Variants in IL1R1 observed in about 807,000 individuals in gnomAD.
IL1R1 encodes the protein interleukin-1 receptor type 1.
Under a neutral mutation model 50.2 loss-of-function variants are expected in IL1R1, and 22 were observed. The ratio of observed to expected loss-of-function variants is 0.44; its 90% CI spans 0.31 to 0.63. IL1R1 has a LOEUF of 0.63. IL1R1 is among the 20% of genes least tolerant of loss of function. The pLI, the probability that IL1R1 is intolerant of heterozygous loss-of-function variation, is 0.07. For synonymous variants in IL1R1, 251 were observed against 236.7 expected (o/e 1.06, Z -0.55); for missense variants, 509 against 676.2 (o/e 0.75, Z 2.74).
chr2:102,124,809 G>C (rs895341379), intron 1 of IL1R1, among the ~76,000 whole-genome samples: 1 of 151,920 alleles, frequency 6.6e-6, no homozygotes. Flanking sequence ...CCAGCTACTC[G>C]GGAAGCTGAG....
intron 1 of IL1R1, among the ~76,000 whole-genome samples, chr2:102,115,082 C>A (rs757290048): frequency 6.6e-5 from 10 of 152,150 alleles, no homozygotes; most frequent in Admixed American, 1.3e-4. Context: ...CACCTGGGAG[C>A]CTTTTAAACA....
Position 102,176,783 on chromosome 2 carries a change from T to TTTAGGTGCCTC in IL1R1, c.*25_*35dup. The TTTAGGTGCCTC allele has an allele frequency of 6.2e-7, 1 of 1,607,450 alleles. No individual in the cohort carries two copies. The highest frequency in any genetic ancestry group is 8.5e-7 in the Non-Finnish European group (1 of 1,175,424). ...AGCATGGAGAAGTTGCCAAGAGTTC[T>TTTAGGTGCCTC]TTAGGTGCCTCCTGTCTTATGGCGT... On this transcript the variant is annotated 3_prime_UTR_variant, in exon 12 of 12. Coordinates refer to ENST00000410023, the MANE Select transcript of IL1R1 (RefSeq NM_000877.4).
At chr2:102,148,945 A>AAAACAAACAAACAAAC (rs35503646) in intron 1 of IL1R1, among the ~76,000 whole-genome samples, 1 of 150,592 alleles carries the variant, frequency 6.6e-6, no homozygotes, top group African/African-American at 2.5e-5. Context: ...ACTCTGTCTC[A>AAAACAAACAAACAAAC]AAACAAACAA....
At chr2:102,149,539 T>C (rs1683466471) in intron 1 of IL1R1, among the ~76,000 whole-genome samples, 1 of 152,184 alleles carries the variant, frequency 6.6e-6, no homozygotes, top group Admixed American at 6.5e-5. Flanking sequence ...CAAGAGGATG[T>C]GCCCACTTGG....
chr2:102,158,107 A>G (rs1197871647), intron 3 of IL1R1, among the ~76,000 whole-genome samples: 6 of 152,194 alleles, frequency 3.9e-5, no homozygotes, highest in Non-Finnish European at 7.3e-5. Flanking sequence ...TGAAAGTGTG[A>G]TATGGGAAAT....
intron 1 of IL1R1, among the ~76,000 whole-genome samples, chr2:102,112,088 A>T (rs1227557155): frequency 6.6e-6 from 1 of 151,520 alleles, no homozygotes; most frequent in African/African-American, 2.4e-5. Flanking sequence ...CATGATGATG[A>T]GGCTGCTTTG....
chr2:102,135,378 C>T (rs1257924977), intron 1 of IL1R1, among the ~76,000 whole-genome samples: 1 of 152,170 alleles, frequency 6.6e-6, no homozygotes, highest in South Asian at 2.1e-4. Flanking sequence ...AGACACTCCT[C>T]ACCCCTACAA....
intron 1 of IL1R1, among the ~76,000 whole-genome samples, chr2:102,110,930 C>T (rs1476728707): frequency 2.0e-5 from 3 of 152,060 alleles, no homozygotes; most frequent in Admixed American, 6.6e-5. Context: ...TCCGTGTTAG[C>T]CTGGTGATTG....
At chr2:102,105,614 TG>T (rs1377236795) in intron 1 of IL1R1, among the ~76,000 whole-genome samples, 2 of 152,226 alleles carry the variant, frequency 1.3e-5, no homozygotes, top group African/African-American at 4.8e-5. Context: ...TCCACCTGCC[TG>T]GGCCTCCCAA....
chr2:102,174,614 G>C lies in IL1R1; in HGVS notation c.1019G>C (p.Gly340Ala), dbSNP rs148175475. Residue 340 changes from glycine to alanine, a missense_variant, in exon 10 of 12, where the codon GGT (glycine) becomes GCT (alanine). Physicochemically the swap from Gly to Ala is moderately conservative, Grantham distance 60 (BLOSUM62 0). Coordinates refer to ENST00000410023, the MANE Select transcript of IL1R1 (RefSeq NM_000877.4). ...PVTNFQKHMI[G>A]ICVTLTVIIV... is the part of the protein sequence containing the mutation. ...ACTAATTTCCAGAAGCACATGATTG[G>C]TATATGTGTCACGTTGACAGTCATA... 6.2e-7 allele frequency: 1 copy of C among 1,605,142 alleles called. No homozygotes were observed. Among genetic ancestry groups the C allele is most frequent in the Non-Finnish European group, 8.5e-7 (1 of 1,176,520 alleles).
At chr2:102,095,685 T>TA (rs957852001) in intron 1 of IL1R1, among the ~76,000 whole-genome samples, 2 of 152,210 alleles carry the variant, frequency 1.3e-5, no homozygotes, top group East Asian at 1.9e-4. Flanking sequence ...TGTTTGCATA[T>TA]AAAAAATACA....
At chr2:102,094,008 A>G (rs1156929588) in intron 1 of IL1R1, among the ~76,000 whole-genome samples, 3 of 152,210 alleles carry the variant, frequency 2.0e-5, no homozygotes, top group African/African-American at 7.2e-5. Flanking sequence ...CCTGGGGAAA[A>G]CAAAACAAAA....
At chr2:102,172,273 G>A (rs949921011) in intron 8 of IL1R1, 2 of 985,158 alleles carry the variant, frequency 2.0e-6, no homozygotes, top group South Asian at 4.7e-5. Context: ...CACTGCTCTC[G>A]AAAGCCTCTA....
At chr2:102,115,234 C>G (rs1003091611) in intron 1 of IL1R1, among the ~76,000 whole-genome samples, 1 of 152,074 alleles carries the variant, frequency 6.6e-6, no homozygotes. Flanking sequence ...AGACAGTTGC[C>G]GAGTCAGTAA....
At chr2:102,145,793 A>G (rs1192320527) in intron 1 of IL1R1, among the ~76,000 whole-genome samples, 1 of 152,216 alleles carries the variant, frequency 6.6e-6, no homozygotes, top group African/African-American at 2.4e-5. Context: ...AAATGCCAGG[A>G]CTGGATGCAG....
intron 1 of IL1R1, among the ~76,000 whole-genome samples, chr2:102,112,433 A>G (rs938095580): frequency 6.6e-6 from 1 of 151,992 alleles, no homozygotes; most frequent in Non-Finnish European, 1.5e-5. Context: ...CCATGGACAC[A>G]GGAACATCTG....
chr2:102,117,751 C>T (rs1577885657), intron 1 of IL1R1, among the ~76,000 whole-genome samples: 1 of 152,162 alleles, frequency 6.6e-6, no homozygotes. Context: ...GTGAGGGAAG[C>T]CTGCTGAGCA....
intron 1 of IL1R1, among the ~76,000 whole-genome samples, chr2:102,089,432 T>G (rs1679564771): frequency 6.6e-6 from 1 of 152,176 alleles, no homozygotes; most frequent in Non-Finnish European, 1.5e-5. Context: ...GATAGTAACA[T>G]CAGATATTGC....
At chr2:102,087,034 A>T (rs1679460440) in intron 1 of IL1R1, among the ~76,000 whole-genome samples, 1 of 152,060 alleles carries the variant, frequency 6.6e-6, no homozygotes, top group Non-Finnish European at 1.5e-5. Flanking sequence ...AGCAAGTCAC[A>T]ATTTCTTTTT....
Sources: allele counts gnomAD v4.1 joint callset (sites outside exome capture counted in the v4.1 genomes callset), GRCh38; gene constraint gnomAD v4.1.1; transcripts MANE v1.5; gene names NCBI Gene and HGNC (gene_info 2026-07-23, HGNC 2026-07-21).